The following THSD7B variants were observed in gnomAD, a reference collection of about 807,000 sequenced individuals.
THSD7B encodes thrombospondin type 1 domain containing 7B.
In THSD7B, 138 loss-of-function variants were observed where a neutral mutation model predicts 213.6. The ratio of observed to expected loss-of-function variants is 0.65; its 90% CI spans 0.56 to 0.74. THSD7B has a LOEUF of 0.74. Among genes scored for constraint, THSD7B ranks in the 30% least tolerant of loss-of-function variants. THSD7B has a pLI of 0.00. For synonymous variants in THSD7B, 742 were observed against 687.0 expected (o/e 1.08, Z -1.25); for missense variants, 1,931 against 1,991.5 (o/e 0.97, Z 0.58).
At chr2:137,666,866 T>G (rs533482662) in intron 26 of THSD7B, among the ~76,000 whole-genome samples, 1 of 152,254 alleles carries the variant, frequency 6.6e-6, no homozygotes, top group Non-Finnish European at 1.5e-5. Context: ...CATAATAGAT[T>G]AAAATATATG....
intron 10 of THSD7B, among the ~76,000 whole-genome samples, chr2:137,243,731 A>G (rs992948403): frequency 9.2e-5 from 14 of 152,352 alleles, no homozygotes; most frequent in Middle Eastern, 6.8e-3. Context: ...CAGTGATTGA[A>G]AACAGAGCTG....
chr2:136,772,426 A>C (rs1176664197), intron 1 of THSD7B, among the ~76,000 whole-genome samples: 1 of 152,140 alleles, frequency 6.6e-6, no homozygotes, highest in Non-Finnish European at 1.5e-5. Context: ...CAAAATCATA[A>C]AGAACTAGAT....
chr2:137,419,742 C>G (rs6706677), intron 14 of THSD7B, among the ~76,000 whole-genome samples: 2 of 151,558 alleles, frequency 1.3e-5, no homozygotes, highest in Admixed American at 1.3e-4. Flanking sequence ...CAATCTGGTC[C>G]GAGAATTTAC....
chr2:137,071,145 T>C (rs55727617), intron 3 of THSD7B, among the ~76,000 whole-genome samples: 14,757 of 152,152 alleles, frequency 0.097, 971 homozygotes, highest in African/African-American at 0.19. Flanking sequence ...CACACTGACT[T>C]CCACAATGGT....
At position 137,182,801 on chromosome 2, in the gene THSD7B, T is replaced by A. The variant is rs559473805; in HGVS notation, c.1723+11863T>A. ...TGTATACTGTGTATCACTCCTAATT[T>A]CTCCACTTGCTAGGTGTGTGACTTT... is the stretch of plus-strand genomic sequence containing the variant. On this transcript the variant is annotated intron_variant, in intron 7 of 27. Coordinates refer to ENST00000409968, the MANE Select transcript of THSD7B (RefSeq NM_001316349.2). Among the ~76,000 whole-genome samples, 129 of 152,284 alleles carry A rather than the reference T, an allele frequency of 8.5e-4. No individual in the cohort carries two copies. In the South Asian group the frequency reaches 0.017, roughly 20 times the overall value.
At chr2:137,074,922 C>A (rs1303894456) in intron 3 of THSD7B, among the ~76,000 whole-genome samples, 2 of 152,238 alleles carry the variant, frequency 1.3e-5, no homozygotes, top group Non-Finnish European at 2.9e-5. Flanking sequence ...CCCCCACTCT[C>A]TTCTGGCTTG....
At chr2:137,614,184 A>G (rs924675583) in intron 17 of THSD7B, among the ~76,000 whole-genome samples, 6 of 152,266 alleles carry the variant, frequency 3.9e-5, no homozygotes, top group African/African-American at 1.2e-4. Flanking sequence ...GGATTACCTC[A>G]AGAAGATATT....
intron 25 of THSD7B, among the ~76,000 whole-genome samples, chr2:137,660,805 T>C (rs954825215): frequency 2.6e-5 from 4 of 152,250 alleles, no homozygotes; most frequent in South Asian, 2.1e-4. Context: ...CATTTTGTGA[T>C]ACTTTCAATT....
intron 27 of THSD7B, among the ~76,000 whole-genome samples, chr2:137,668,703 A>G (rs529460347): frequency 6.0e-4 from 92 of 152,166 alleles, no homozygotes; most frequent in Non-Finnish European, 1.1e-3. Context: ...CAGAAGCCTT[A>G]CCAATAACAT....
chr2:137,565,735 C>T (rs549018768), intron 16 of THSD7B, among the ~76,000 whole-genome samples: 5 of 152,232 alleles, frequency 3.3e-5, no homozygotes, highest in Admixed American at 3.3e-4. Context: ...TGGAGGGCAT[C>T]ACATGGAGAG....
At chr2:136,859,491 A>G (rs1175005316) in intron 1 of THSD7B, among the ~76,000 whole-genome samples, 1 of 152,214 alleles carries the variant, frequency 6.6e-6, no homozygotes, top group Non-Finnish European at 1.5e-5. Flanking sequence ...GATCATAACT[A>G]TAGTAACCAA....
At chr2:137,372,428 C>T (rs894775536) in intron 12 of THSD7B, among the ~76,000 whole-genome samples, 1 of 140,496 alleles carries the variant, frequency 7.1e-6, no homozygotes, top group Non-Finnish European at 1.5e-5. Flanking sequence ...GTCCTGAGAA[C>T]GGGTGCCCGA....
chr2:137,224,137 G>A (rs191073948), intron 7 of THSD7B, among the ~76,000 whole-genome samples: 1 of 152,238 alleles, frequency 6.6e-6, no homozygotes, highest in Admixed American at 6.5e-5. Flanking sequence ...TTGTTTTTGA[G>A]CAACTGCAGT....
chr2:137,469,695 C>G (rs1410843140), intron 15 of THSD7B, among the ~76,000 whole-genome samples: 1 of 152,002 alleles, frequency 6.6e-6, no homozygotes, highest in Non-Finnish European at 1.5e-5. Context: ...AAACTTTAAA[C>G]TTTTTTCACA....
chr2:137,258,572 A>T (rs1215271298), intron 10 of THSD7B, among the ~76,000 whole-genome samples: 1 of 151,792 alleles, frequency 6.6e-6, no homozygotes, highest in Non-Finnish European at 1.5e-5. Context: ...GAAATTTAAA[A>T]TTGCAAAACC....
chr2:137,167,367 A>AT (rs1680158262), intron 6 of THSD7B, among the ~76,000 whole-genome samples: 1 of 151,332 alleles, frequency 6.6e-6, no homozygotes, highest in Non-Finnish European at 1.5e-5. Context: ...TGCCTGGCTA[A>AT]TTTTTTTGTA....
chr2:137,562,376 A>G (rs553432294), intron 15 of THSD7B, among the ~76,000 whole-genome samples: 1 of 152,228 alleles, frequency 6.6e-6, no homozygotes, highest in South Asian at 2.1e-4. Flanking sequence ...TTCCTCATAT[A>G]AAGGAGCAAT....
intron 1 of THSD7B, among the ~76,000 whole-genome samples, chr2:136,822,841 C>G (rs1230291428): frequency 6.6e-6 from 1 of 152,032 alleles, no homozygotes; most frequent in Non-Finnish European, 1.5e-5. Context: ...TTAAAAACTC[C>G]CCAGGATAAT....
At chr2:137,388,270 G>T (rs1685940093) in intron 12 of THSD7B, among the ~76,000 whole-genome samples, 1 of 151,650 alleles carries the variant, frequency 6.6e-6, no homozygotes, top group East Asian at 1.9e-4. Context: ...TATCCTGCAA[G>T]GTAGGTATTA....
Sources: gnomAD v4.1 joint callset for allele counts (sites outside exome capture counted in the v4.1 genomes callset) on GRCh38, gnomAD v4.1.1 for gene constraint, MANE v1.5 for transcripts, NCBI Gene and HGNC (gene_info 2026-07-23, HGNC 2026-07-21) for gene names.